The following KLF8 variants were observed in gnomAD, a reference collection of about 807,000 sequenced individuals.
KLF8 encodes the protein Krueppel-like factor 8.
KLF8 carries 10 observed loss-of-function variants against 18.2 expected under a neutral mutation model. The ratio of observed to expected loss-of-function variants is 0.55; its 90% confidence interval spans 0.34 to 0.93. The LOEUF (loss-of-function observed/expected upper bound fraction) is 0.93, where lower values mean the gene tolerates loss of function less well. Among genes scored for constraint, KLF8 ranks in the 40% least tolerant of loss-of-function variants. The probability of loss-of-function intolerance (pLI) is 0.02; values close to 1 mark genes in which losing one functional copy is unlikely to be tolerated. For synonymous variants in KLF8, 109 were observed against 97.3 expected, an observed-to-expected ratio of 1.12 and a Z score of -0.71; for missense variants, 264 against 277.9, an observed-to-expected ratio of 0.95 and a Z score of 0.36.
At chrX:56,169,844 A>G in the KLF8 span, among the ~76,000 whole-genome samples, 1 of 111,303 alleles carries the variant, frequency 9.0e-6, no homozygotes, top group Non-Finnish European at 1.9e-5. Context: ...TTTTGTGAAC[A>G]TAGGTAGTAG....
intron 2 of KLF8, among the ~76,000 whole-genome samples, chrX:56,254,960 C>T (rs187066890): frequency 8.9e-6 from 1 of 112,013 alleles, no homozygotes; most frequent in East Asian, 2.8e-4. Context: ...GGGCCCTCAC[C>T]AGGGACCTGC....
At chrX:55,949,687 A>T in the KLF8 span, among the ~76,000 whole-genome samples, 7 of 109,296 alleles carry the variant, frequency 6.4e-5, no homozygotes, top group Non-Finnish European at 1.3e-4. Flanking sequence ...GCTACTCGGG[A>T]GGCTAAGGCA....
At chrX:56,003,524 T>C in the KLF8 span, among the ~76,000 whole-genome samples, 1 of 111,265 alleles carries the variant, frequency 9.0e-6, no homozygotes, top group Non-Finnish European at 1.9e-5. Context: ...CCCAGTGGGA[T>C]TGAAAAAAAA....
At chrX:55,956,837 A>G in the KLF8 span, among the ~76,000 whole-genome samples, 8 of 111,542 alleles carry the variant, frequency 7.2e-5, no homozygotes, top group Non-Finnish European at 1.5e-4. Flanking sequence ...ATTTTATCCC[A>G]TTTTATAAGT....
At chrX:56,067,831 G>A in the KLF8 span, among the ~76,000 whole-genome samples, 1 of 112,165 alleles carries the variant, frequency 8.9e-6, no homozygotes, top group African/African-American at 3.2e-5. Flanking sequence ...ACAAGCCTTG[G>A]GCCCTAGAAA....
the KLF8 span, among the ~76,000 whole-genome samples, chrX:55,939,176 T>C: frequency 8.9e-6 from 1 of 111,781 alleles, no homozygotes; most frequent in Non-Finnish European, 1.9e-5. Flanking sequence ...ACAAACTGTC[T>C]CTCAGACCAC....
At chrX:56,252,974 C>G (rs768021175) in intron 2 of KLF8, among the ~76,000 whole-genome samples, 1 of 112,359 alleles carries the variant, frequency 8.9e-6, no homozygotes, top group Non-Finnish European at 1.9e-5. Flanking sequence ...ATGTTGAGCA[C>G]CTTTTCATAT....
At chrX:56,185,791 G>A in the KLF8 span, among the ~76,000 whole-genome samples, 1 of 111,570 alleles carries the variant, frequency 9.0e-6, no homozygotes, top group East Asian at 2.8e-4. Flanking sequence ...ATAAGTGAAG[G>A]AGAAATAAAA....
the KLF8 span, among the ~76,000 whole-genome samples, chrX:55,946,091 C>T: frequency 8.9e-6 from 1 of 111,757 alleles, no homozygotes; most frequent in East Asian, 2.8e-4. Flanking sequence ...ATGCCACCCC[C>T]ATCAAGCTAC....
the KLF8 span, among the ~76,000 whole-genome samples, chrX:56,128,020 G>C: frequency 8.9e-6 from 1 of 112,070 alleles, no homozygotes; most frequent in Non-Finnish European, 1.9e-5. Context: ...GGAGGGTAAT[G>C]CTTGAGCTAG....
the KLF8 span, among the ~76,000 whole-genome samples, chrX:56,220,329 C>T: frequency 8.9e-6 from 1 of 112,042 alleles, no homozygotes; most frequent in Admixed American, 9.4e-5. Flanking sequence ...GGTTCCACCC[C>T]TGACCTACTC....
chrX:56,052,799 G>T, the KLF8 span, among the ~76,000 whole-genome samples: 1 of 112,048 alleles, frequency 8.9e-6, no homozygotes, highest in Admixed American at 9.4e-5. Context: ...GCTCCACCCA[G>T]TTGGAGCTTC....
At chrX:56,268,767 T>C in intron 3 of KLF8, 1 of 783,750 alleles carries the variant, frequency 1.3e-6, no homozygotes, top group Non-Finnish European at 1.5e-6. Flanking sequence ...GACCACCTGA[T>C]TGAGTTTTTA....
chrX:56,043,725 C>CT, the KLF8 span, among the ~76,000 whole-genome samples: 2 of 112,070 alleles, frequency 1.8e-5, no homozygotes, highest in Admixed American at 1.9e-4. Context: ...TGATTCTTAA[C>CT]TTTTTTGCAT....
intron 2 of KLF8, among the ~76,000 whole-genome samples, chrX:56,261,982 A>G (rs1302954796): frequency 8.9e-6 from 1 of 111,980 alleles, no homozygotes. Context: ...ACTTGCTACA[A>G]GATAGATTCA....
At chrX:56,164,745 T>G in the KLF8 span, among the ~76,000 whole-genome samples, 1 of 95,415 alleles carries the variant, frequency 1.0e-5, no homozygotes, top group South Asian at 4.6e-4. Flanking sequence ...TTTTTTTTTT[T>G]TTTAACTTTT....
At chrX:56,276,608 G>A (rs1203537985) in intron 5 of KLF8, among the ~76,000 whole-genome samples, 1 of 111,657 alleles carries the variant, frequency 9.0e-6, no homozygotes, top group Non-Finnish European at 1.9e-5. Context: ...CTACTAAAAA[G>A]TCTCGTCAAA....
intron 2 of KLF8, among the ~76,000 whole-genome samples, chrX:56,254,385 C>T (rs938041250): frequency 9.0e-6 from 1 of 111,430 alleles, no homozygotes; most frequent in African/African-American, 3.3e-5. Flanking sequence ...AAACTCTATG[C>T]GCACCCCACA....
At chrX:56,187,680 C>T in the KLF8 span, among the ~76,000 whole-genome samples, 2 of 110,723 alleles carry the variant, frequency 1.8e-5, no homozygotes, top group Non-Finnish European at 3.8e-5. Context: ...CCACCATGAT[C>T]AAGTGGGCTT....
Sources: gnomAD v4.1 joint callset for allele counts (sites outside exome capture counted in the v4.1 genomes callset) on GRCh38, gnomAD v4.1.1 for gene constraint, MANE v1.5 for transcripts, NCBI Gene and HGNC (gene_info 2026-07-23, HGNC 2026-07-21) for gene names.